Variants in IL7 observed in about 807,000 individuals in gnomAD.
IL7 encodes the protein interleukin-7.
Under a neutral mutation model 21.6 loss-of-function variants are expected in IL7, and 3 were observed. The observed-to-expected ratio is 0.14, with a 90% CI of 0.06 to 0.36. The LOEUF (loss-of-function observed/expected upper bound fraction) is 0.36. IL7 is among the 10% of genes least tolerant of loss of function. IL7 has a pLI of 1.00. For missense variants in IL7, 175 were observed against 200.2 expected (o/e 0.87, Z 0.76); for synonymous variants, 62 against 68.1 (o/e 0.91, Z 0.44).
chr8:78,772,963 T>C (rs1813007698), intron 2 of IL7, among the ~76,000 whole-genome samples: 1 of 152,174 alleles, frequency 6.6e-6, no homozygotes, highest in African/African-American at 2.4e-5. Flanking sequence ...CACCTTCGTC[T>C]TGCATCATTT....
At chr8:78,699,968 TGG>T (rs1810548394) in intron 3 of IL7, among the ~76,000 whole-genome samples, 1 of 152,206 alleles carries the variant, frequency 6.6e-6, no homozygotes, top group East Asian at 1.9e-4. Flanking sequence ...TATATTCTTC[TGG>T]GTATATACTC....
chr8:78,715,940 C>T (rs1486969095), downstream of IL7, among the ~76,000 whole-genome samples: 27 of 147,738 alleles, frequency 1.8e-4, no homozygotes, highest in African/African-American at 5.0e-4. Context: ...CTCAGGAGGC[C>T]GAGGCAGGAG....
At chr8:78,799,599 C>T (rs946509757) in intron 1 of IL7, among the ~76,000 whole-genome samples, 1 of 151,776 alleles carries the variant, frequency 6.6e-6, no homozygotes, top group Non-Finnish European at 1.5e-5. Flanking sequence ...TGCTAGTTAC[C>T]TTTAGTTGAG....
chr8:78,705,914 C>T (rs1264698245), intron 3 of IL7, among the ~76,000 whole-genome samples: 1 of 152,042 alleles, frequency 6.6e-6, no homozygotes, highest in African/African-American at 2.4e-5. Context: ...TCCCAGTTGG[C>T]TTTGGCTCTC....
intron 3 of IL7, among the ~76,000 whole-genome samples, chr8:78,691,689 T>C (rs7001074): frequency 0.69 from 104,037 of 151,822 alleles, 36,498 homozygotes; most frequent in East Asian, 0.91. Flanking sequence ...TTTTCTTTTT[T>C]GGCTTTCTAG....
At chr8:78,692,274 A>G (rs371049916) in intron 3 of IL7, among the ~76,000 whole-genome samples, 1 of 152,162 alleles carries the variant, frequency 6.6e-6, no homozygotes, top group East Asian at 1.9e-4. Flanking sequence ...TTCTACATGT[A>G]AGTGAGTACA....
intron 2 of IL7, among the ~76,000 whole-genome samples, chr8:78,768,652 T>C (rs1183234489): frequency 6.6e-6 from 1 of 151,806 alleles, no homozygotes; most frequent in Non-Finnish European, 1.5e-5. Flanking sequence ...TTTGAGTTCA[T>C]TGTAGATTCT....
downstream of IL7, among the ~76,000 whole-genome samples, chr8:78,714,279 C>T (rs551368962): frequency 1.1e-4 from 16 of 152,120 alleles, no homozygotes; most frequent in Middle Eastern, 3.4e-3. Flanking sequence ...GAGTTATGAA[C>T]GCTACCTATT....
At chr8:78,754,698 T>TAA (rs1159161027) in intron 2 of IL7, among the ~76,000 whole-genome samples, 1 of 152,168 alleles carries the variant, frequency 6.6e-6, no homozygotes, top group East Asian at 1.9e-4. Flanking sequence ...GTTTTGCTGT[T>TAA]GAGCTGTATG....
chr8:78,720,881 A>T (rs1289250250), intron 5 of IL7: 1 of 151,910 alleles, frequency 6.6e-6, no homozygotes, highest in East Asian at 1.9e-4. Context: ...TTCATTTAAG[A>T]TAAGGATCTT....
chr8:78,675,237 T>C (rs924277714), downstream of IL7, among the ~76,000 whole-genome samples: 1 of 151,812 alleles, frequency 6.6e-6, no homozygotes, highest in East Asian at 1.9e-4. Context: ...TTAATATAAG[T>C]ATTATATGTA....
At chr8:78,791,752 A>T (rs1813701935) in intron 2 of IL7, among the ~76,000 whole-genome samples, 1 of 152,118 alleles carries the variant, frequency 6.6e-6, no homozygotes, top group Non-Finnish European at 1.5e-5. Flanking sequence ...AGCTATAAGG[A>T]AGAGAATACT....
chr8:78,798,045 TGTGA>T lies in IL7; in HGVS notation c.147+23_147+26del, dbSNP rs748566986. ...TTCAAATTTTCCCAATGCATGAAAATGTGAGTAAAACAAAATAATCACATACCAA... is the reference window on the plus strand; with the variant it reads ...TTCAAATTTTCCCAATGCATGAAAATGTAAAACAAAATAATCACATACCAA... On this transcript the variant is annotated intron_variant, in intron 2 of 5. Coordinates refer to ENST00000263851, the MANE Select transcript of IL7 (RefSeq NM_000880.4). The T allele has an allele frequency of 1.9e-6, 3 of 1,566,096 alleles. No individual in the cohort carries two copies. The South Asian group carries it at 3.6e-5, about 19-fold the overall frequency.
chr8:78,739,334 A>C (rs945007957), intron 3 of IL7, among the ~76,000 whole-genome samples: 1 of 152,206 alleles, frequency 6.6e-6, no homozygotes, highest in African/African-American at 2.4e-5. Flanking sequence ...GCTTCCAACT[A>C]AATTATACCA....
chr8:78,728,977 T>C (rs569842884), downstream of IL7, among the ~76,000 whole-genome samples: 11 of 152,140 alleles, frequency 7.2e-5, no homozygotes, highest in African/African-American at 2.6e-4. Context: ...AGTCTAACAT[T>C]TAATAATTTC....
chr8:78,724,090 G>A, intron 3 of IL7: 1 of 154,630 alleles, frequency 6.5e-6, no homozygotes, highest in Non-Finnish European at 1.5e-5. Context: ...GAAAAGGGAA[G>A]TTCTGGGAGC....
At chr8:78,762,132 G>A in intron 2 of IL7, 2 of 1,596,430 alleles carry the variant, frequency 1.3e-6, no homozygotes, top group Non-Finnish European at 1.7e-6. Flanking sequence ...CGTTTTCTGT[G>A]TCTACTATGT....
At chr8:78,712,424 G>A (rs551473221) in intron 3 of IL7, among the ~76,000 whole-genome samples, 124 of 151,958 alleles carry the variant, frequency 8.2e-4, no homozygotes, top group African/African-American at 2.9e-3. Context: ...TTTTGTAATA[G>A]TAGTTTTAAA....
At chr8:78,791,071 G>T (rs771776588) in intron 2 of IL7, among the ~76,000 whole-genome samples, 1 of 152,038 alleles carries the variant, frequency 6.6e-6, no homozygotes, top group Non-Finnish European at 1.5e-5. Flanking sequence ...ATACATCTCT[G>T]GTGAAGTGAT....
Sources: gnomAD v4.1 joint callset for allele counts (sites outside exome capture counted in the v4.1 genomes callset) on GRCh38, gnomAD v4.1.1 for gene constraint, MANE v1.5 for transcripts, NCBI Gene and HGNC (gene_info 2026-07-23, HGNC 2026-07-21) for gene names.